The following NR2C2 variants were observed in gnomAD, a reference collection of about 807,000 sequenced individuals.
NR2C2 encodes the protein Nuclear hormone receptor TR4.
Under a neutral mutation model 62.9 loss-of-function variants are expected in NR2C2, and 6 were observed. That is an observed-to-expected ratio of 0.10 (90% CI 0.05 to 0.19). The LOEUF is 0.19. Among genes scored for constraint, NR2C2 ranks in the 10% least tolerant of loss-of-function variants. The pLI is 1.00. For synonymous variants in NR2C2, 272 were observed against 273.8 expected, an observed-to-expected ratio of 0.99 and a Z score of 0.07; for missense variants, 479 against 762.7, an observed-to-expected ratio of 0.63 and a Z score of 4.38.
At chr3:14,971,134 T>A (rs1228327501) in intron 1 of NR2C2, among the ~76,000 whole-genome samples, 1 of 152,218 alleles carries the variant, frequency 6.6e-6, no homozygotes, top group East Asian at 1.9e-4. Flanking sequence ...TTTTTATTTT[T>A]TTGAGGCAGA....
intron 2 of NR2C2, among the ~76,000 whole-genome samples, chr3:15,012,014 G>A (rs745990108): frequency 6.6e-6 from 1 of 152,156 alleles, no homozygotes; most frequent in African/African-American, 2.4e-5. Flanking sequence ...TTCTATGATG[G>A]TGGGACCTTT....
At chr3:14,996,369 A>T (rs953662478) in intron 1 of NR2C2, among the ~76,000 whole-genome samples, 2 of 152,336 alleles carry the variant, frequency 1.3e-5, no homozygotes, top group African/African-American at 4.8e-5. Flanking sequence ...TATCATGTGT[A>T]GCAAAGACAG....
chr3:15,002,067 T>C (rs2041019125), intron 1 of NR2C2, among the ~76,000 whole-genome samples: 1 of 152,208 alleles, frequency 6.6e-6, no homozygotes, highest in South Asian at 2.1e-4. Context: ...TTCTGAATGT[T>C]TTTATTCTTT....
At chr3:15,015,334 C>T (rs1406112294) in intron 3 of NR2C2, among the ~76,000 whole-genome samples, 3 of 152,098 alleles carry the variant, frequency 2.0e-5, no homozygotes, top group Non-Finnish European at 4.4e-5. Context: ...TAGTATTCTC[C>T]CAGATGAATT....
chr3:14,986,441 T>G (rs981209482), intron 1 of NR2C2, among the ~76,000 whole-genome samples: 4 of 152,038 alleles, frequency 2.6e-5, no homozygotes, highest in African/African-American at 7.2e-5. Context: ...AGACTAGACT[T>G]ACTTATGATA....
intron 1 of NR2C2, among the ~76,000 whole-genome samples, chr3:14,969,702 C>T (rs1464142314): frequency 6.6e-6 from 1 of 152,298 alleles, no homozygotes; most frequent in East Asian, 1.9e-4. Flanking sequence ...AGTGGCTTTA[C>T]AACCCTTTTC....
At chr3:15,018,721 G>T (rs182071349) in intron 4 of NR2C2, among the ~76,000 whole-genome samples, 1 of 151,924 alleles carries the variant, frequency 6.6e-6, no homozygotes, top group Admixed American at 6.6e-5. Context: ...ATTTTTATGA[G>T]ATATATATTT....
chr3:14,982,013 C>T (rs564948598), intron 1 of NR2C2, among the ~76,000 whole-genome samples: 144 of 152,106 alleles, frequency 9.5e-4, no homozygotes, highest in Non-Finnish European at 1.6e-3. Flanking sequence ...ATGTTAATCT[C>T]GTTTGGCAAC....
At chr3:14,992,828 A>G in intron 1 of NR2C2, among the ~76,000 whole-genome samples, 1 of 152,224 alleles carries the variant, frequency 6.6e-6, no homozygotes, top group East Asian at 1.9e-4. Context: ...GATATTTCAC[A>G]CCCAGCTTGC....
At chr3:15,038,860 C>T in intron 12 of NR2C2, 1 of 369,116 alleles carries the variant, frequency 2.7e-6, no homozygotes, top group Non-Finnish European at 4.9e-6. Context: ...TAGTAGGAAG[C>T]CAGATGTCCA....
chr3:14,976,264 T>G (rs1420295380), intron 1 of NR2C2, among the ~76,000 whole-genome samples: 1 of 152,230 alleles, frequency 6.6e-6, no homozygotes, highest in Non-Finnish European at 1.5e-5. Flanking sequence ...GAGACTTTAG[T>G]GTTCGTTCAG....
intron 1 of NR2C2, chr3:14,948,173 C>T (rs2125182590): frequency 6.6e-6 from 1 of 152,608 alleles, no homozygotes; most frequent in East Asian, 1.9e-4. Flanking sequence ...CGCGGCCCCG[C>T]CTTATAGTTG....
intron 1 of NR2C2, among the ~76,000 whole-genome samples, chr3:14,974,659 A>C (rs1444753815): frequency 1.3e-5 from 2 of 148,642 alleles, no homozygotes; most frequent in Admixed American, 6.8e-5. Flanking sequence ...GCTGGAGTGC[A>C]GTGGTACAAT....
chr3:14,948,633 G>A (rs1265861855), intron 1 of NR2C2: 1 of 153,186 alleles, frequency 6.5e-6, no homozygotes, highest in African/African-American at 2.4e-5. Flanking sequence ...CGGCCGGGTG[G>A]AGAGGCCGGC....
intron 1 of NR2C2, among the ~76,000 whole-genome samples, chr3:15,000,106 T>C (rs1441520325): frequency 6.6e-6 from 1 of 150,396 alleles, no homozygotes; most frequent in Non-Finnish European, 1.5e-5. Flanking sequence ...GTGCAATAGG[T>C]CTAAAAAAAA....
At position 15,013,793 on chromosome 3, in the gene NR2C2, A is replaced by T; in HGVS notation, c.273+4A>T. ...CCTCGTCCCTGGCAGGATCCAGGTA[A>T]GGCCTTTGGACAGGTATTTGTTTCA... On this transcript the variant is annotated splice_donor_region_variant and intron_variant, in intron 3 of 13. Coordinates refer to ENST00000425241, the MANE Select transcript of NR2C2 (RefSeq NM_001291694.2). 1 of 1,614,038 alleles carries T rather than the reference A, an allele frequency of 6.2e-7. No homozygotes were observed. Among genetic ancestry groups the T allele is most frequent in the East Asian group, 2.2e-5 (1 of 44,870 alleles).
intron 1 of NR2C2, among the ~76,000 whole-genome samples, chr3:14,996,122 C>A (rs1033842008): frequency 1.1e-4 from 16 of 152,138 alleles, no homozygotes; most frequent in Non-Finnish European, 2.2e-4. Flanking sequence ...TATCAGTTTT[C>A]TTTTTCACTT....
At chr3:14,972,217 C>G (rs965870802) in intron 1 of NR2C2, among the ~76,000 whole-genome samples, 13 of 149,386 alleles carry the variant, frequency 8.7e-5, no homozygotes, top group African/African-American at 3.2e-4. Flanking sequence ...TTCTGTCACC[C>G]AGGCTGGAGT....
chr3:14,976,375 C>T lies in NR2C2; in HGVS notation c.-39-27501C>T, dbSNP rs141244773. 6.7e-3 allele frequency among the ~76,000 whole-genome samples: 1,018 copies of T among 152,206 alleles called. 14 individuals carry two copies. The highest frequency in any genetic ancestry group is 0.012 in the Non-Finnish European group (801 of 68,004). Reference sequence around the variant, plus strand: ...AATTATGATACTATTACAGATACTTCCTAGTGTCTCCAACATAGTTGTAAA... The same window carrying T: ...AATTATGATACTATTACAGATACTTTCTAGTGTCTCCAACATAGTTGTAAA... On this transcript the variant is annotated intron_variant, in intron 1 of 13. Transcript: ENST00000425241.
Sources: gnomAD v4.1 joint callset for allele counts (sites outside exome capture counted in the v4.1 genomes callset) on GRCh38, gnomAD v4.1.1 for gene constraint, MANE v1.5 for transcripts, NCBI Gene and HGNC (gene_info 2026-07-23, HGNC 2026-07-21) for gene names.